Variants in ABLIM3 observed in about 807,000 individuals in gnomAD.
ABLIM3 encodes actin binding LIM protein family member 3, also known as actin-binding LIM protein 3.
Under a neutral mutation model 109.5 loss-of-function variants are expected in ABLIM3, and 61 were observed. The ratio of observed to expected loss-of-function variants is 0.56; its 90% CI spans 0.45 to 0.69. ABLIM3 has a LOEUF of 0.69. Among genes scored for constraint, ABLIM3 ranks in the 30% least tolerant of loss-of-function variants. The pLI, the probability that ABLIM3 is intolerant of heterozygous loss-of-function variation, is 0.00. For synonymous variants in ABLIM3, 300 were observed against 324.8 expected (o/e 0.92, Z 0.82); for missense variants, 796 against 889.5 (o/e 0.89, Z 1.34).
At chr5:149,153,405 C>A (rs1372493533) in intron 2 of ABLIM3, among the ~76,000 whole-genome samples, 1 of 152,210 alleles carries the variant, frequency 6.6e-6, no homozygotes, top group Admixed American at 6.5e-5. Context: ...GACCATCACT[C>A]CCTAATGTCT....
At chr5:149,212,895 C>T (rs1428957124) in intron 7 of ABLIM3, among the ~76,000 whole-genome samples, 2 of 152,142 alleles carry the variant, frequency 1.3e-5, no homozygotes, top group Non-Finnish European at 2.9e-5. Context: ...GATGCCAACA[C>T]AGGGTGATCA....
intron 1 of ABLIM3, 71 bp downstream of exon 1, chr5:149,141,725 T>G (rs926804890): frequency 2.5e-5 from 6 of 238,678 alleles, no homozygotes; most frequent in African/African-American, 1.4e-4. Flanking sequence ...TGCCTCCCTG[T>G]GGTCCACACC....
intron 2 of ABLIM3, among the ~76,000 whole-genome samples, chr5:149,170,585 G>A (rs1755322080): frequency 1.3e-5 from 2 of 152,136 alleles, no homozygotes; most frequent in South Asian, 4.1e-4. Context: ...TGCTGAGCAG[G>A]CAAAACAACA....
At chr5:149,169,379 G>A (rs561768713) in intron 2 of ABLIM3, among the ~76,000 whole-genome samples, 8 of 152,142 alleles carry the variant, frequency 5.3e-5, no homozygotes, top group African/African-American at 1.7e-4. Context: ...CTCCAGGGCT[G>A]CAGTTCCAGC....
At chr5:149,207,340 T>C (rs1421892384) in intron 6 of ABLIM3, among the ~76,000 whole-genome samples, 3 of 152,118 alleles carry the variant, frequency 2.0e-5, no homozygotes, top group Non-Finnish European at 4.4e-5. Flanking sequence ...ACACCCTCCC[T>C]GTTCCTTGCA....
intron 3 of ABLIM3, among the ~76,000 whole-genome samples, chr5:149,188,921 A>G (rs1757226896): frequency 6.6e-6 from 1 of 152,256 alleles, no homozygotes; most frequent in Non-Finnish European, 1.5e-5. Context: ...AGCAATCTTT[A>G]AAAAGAACGA....
chr5:149,240,529 G>A (rs927045457), intron 13 of ABLIM3, 147 bp from the exon 14 acceptor site: 10 of 654,930 alleles, frequency 1.5e-5, no homozygotes, highest in East Asian at 8.0e-5. Flanking sequence ...TGCTGCTTCC[G>A]CCCCGGAACC....
chr5:149,189,931 T>G (rs1311720609), intron 3 of ABLIM3, among the ~76,000 whole-genome samples: 1 of 152,200 alleles, frequency 6.6e-6, no homozygotes, highest in Non-Finnish European at 1.5e-5. Flanking sequence ...ATAGCAGCAT[T>G]ATTCGTAATA....
intron 8 of ABLIM3, among the ~76,000 whole-genome samples, chr5:149,228,685 C>G (rs918962750): frequency 1.3e-5 from 2 of 152,170 alleles, no homozygotes; most frequent in African/African-American, 2.4e-5. Flanking sequence ...TACCAACTAA[C>G]TTTTTTTAGC....
chr5:149,242,871 G>A (rs573809380), intron 15 of ABLIM3, among the ~76,000 whole-genome samples: 9 of 152,284 alleles, frequency 5.9e-5, no homozygotes, highest in Non-Finnish European at 1.2e-4. Flanking sequence ...ATTAATACTT[G>A]AAATGTTCAT....
At chr5:149,243,838 T>C (rs1753088763) in intron 15 of ABLIM3, 1 of 151,678 alleles carries the variant, frequency 6.6e-6, no homozygotes, top group Non-Finnish European at 1.5e-5. Context: ...GAGTCTGGGG[T>C]GGAGGTGGGT....
intron 3 of ABLIM3, among the ~76,000 whole-genome samples, chr5:149,196,088 G>C (rs1304692583): frequency 6.6e-6 from 1 of 152,108 alleles, no homozygotes; most frequent in African/African-American, 2.4e-5. Context: ...GCAGTGATGA[G>C]ACCAGAGGTT....
At chr5:149,151,058 C>A (rs1381631744) in intron 2 of ABLIM3, among the ~76,000 whole-genome samples, 1 of 152,144 alleles carries the variant, frequency 6.6e-6, no homozygotes, top group African/African-American at 2.4e-5. Flanking sequence ...TGCTACAAAC[C>A]GGGTGGTTTA....
At chr5:149,234,303 A>C (rs1762143138) in intron 10 of ABLIM3, among the ~76,000 whole-genome samples, 2 of 152,196 alleles carry the variant, frequency 1.3e-5, no homozygotes, top group South Asian at 2.1e-4. Context: ...AGAAAACCTC[A>C]ATCTGATTGA....
At chr5:149,248,275 T>G (rs1382122267) in intron 18 of ABLIM3, among the ~76,000 whole-genome samples, 1 of 152,088 alleles carries the variant, frequency 6.6e-6, no homozygotes, top group Non-Finnish European at 1.5e-5. Context: ...TTCATTGAGG[T>G]CTAGAATACA....
intron 23 of ABLIM3, among the ~76,000 whole-genome samples, chr5:149,253,399 T>C (rs1354283217): frequency 6.6e-6 from 1 of 152,216 alleles, no homozygotes; most frequent in African/African-American, 2.4e-5. Context: ...ACAACCTCAC[T>C]GCAACTTGGT....
At chr5:149,204,379 G>A (rs1393382076) in intron 5 of ABLIM3, among the ~76,000 whole-genome samples, 1 of 152,170 alleles carries the variant, frequency 6.6e-6, no homozygotes, top group African/African-American at 2.4e-5. Context: ...GCTCCTGGGT[G>A]GCATGCCTGA....
At chr5:149,203,221 A>C (rs1758645642) in intron 5 of ABLIM3, among the ~76,000 whole-genome samples, 1 of 151,174 alleles carries the variant, frequency 6.6e-6, no homozygotes, top group African/African-American at 2.4e-5. Context: ...CATCATGAAC[A>C]ATACCATCAG....
rs202193990 is a variant in ABLIM3, at chr5:149,237,571, G to A, written c.1012G>A (p.Asp338Asn). The A allele has an allele frequency of 1.1e-5, 18 of 1,614,146 alleles. No homozygotes were observed. Among genetic ancestry groups the A allele is most frequent in the Non-Finnish European group, 1.4e-5 (16 of 1,180,036 alleles). ...TGAGCCTCATTCCAGATACATGTCC[G>A]ACGAGATGCTGGAGAGATGTGGCTA... ...SYEPHSRYMS[D>N]EMLERCGYGE... is the part of the protein sequence containing the mutation. The change falls in exon 11 of 24, where the codon GAC becomes AAC. Residue 338 changes from aspartate to asparagine, a missense_variant. Asp to Asn is a conservative substitution (Grantham distance 23). Transcript: ENST00000309868.
Sources: allele counts gnomAD v4.1 joint callset (sites outside exome capture counted in the v4.1 genomes callset), GRCh38; gene constraint gnomAD v4.1.1; transcripts MANE v1.5; gene names NCBI Gene and HGNC (gene_info 2026-07-23, HGNC 2026-07-21).